The following FHIT variants were observed in gnomAD, a reference collection of about 807,000 sequenced individuals.
FHIT encodes the protein fragile histidine triad diadenosine triphosphatase.
In FHIT, 19 loss-of-function variants were observed where a neutral mutation model predicts 17.9. That is an observed-to-expected ratio of 1.06 (90% CI 0.74 to 1.56). FHIT has a LOEUF of 1.56. Among genes scored for constraint, FHIT ranks in the 40% most tolerant of loss-of-function variants. The pLI, the probability that FHIT is intolerant of heterozygous loss-of-function variation, is 0.00. For synonymous variants in FHIT, 81 were observed against 69.7 expected (o/e 1.16, Z -0.81); for missense variants, 248 against 189.2 (o/e 1.31, Z -1.82).
intron 5 of FHIT, among the ~76,000 whole-genome samples, chr3:60,177,088 G>A (rs1299319230): frequency 6.6e-6 from 1 of 152,210 alleles, no homozygotes; most frequent in African/African-American, 2.4e-5. Context: ...CTGTGCGAAA[G>A]AGCATGCCCA....
At chr3:60,545,246 G>A (rs1165832715) in intron 4 of FHIT, among the ~76,000 whole-genome samples, 1 of 151,968 alleles carries the variant, frequency 6.6e-6, no homozygotes, top group African/African-American at 2.4e-5. Context: ...ATGGTACATG[G>A]AGATGTTTTT....
chr3:61,086,978 T>G (rs1440362140), intron 2 of FHIT, among the ~76,000 whole-genome samples: 1 of 152,144 alleles, frequency 6.6e-6, no homozygotes, highest in Non-Finnish European at 1.5e-5. Context: ...CTACTTTCTG[T>G]TCTTCTAATC....
At chr3:60,496,639 A>G in intron 5 of FHIT, among the ~76,000 whole-genome samples, 1 of 152,200 alleles carries the variant, frequency 6.6e-6, no homozygotes, top group Non-Finnish European at 1.5e-5. Context: ...TGCTAGGTAA[A>G]TATTCTACAG....
intron 5 of FHIT, among the ~76,000 whole-genome samples, chr3:60,118,890 G>A (rs867506998): frequency 2.0e-5 from 3 of 150,392 alleles, no homozygotes; most frequent in East Asian, 2.0e-4. Context: ...GCGTGGTGGC[G>A]GGCACCTGTA....
intron 5 of FHIT, among the ~76,000 whole-genome samples, chr3:60,297,666 G>A (rs930968709): frequency 1.3e-5 from 2 of 152,034 alleles, no homozygotes; most frequent in Non-Finnish European, 2.9e-5. Flanking sequence ...GATCAATAAT[G>A]AAAGTATTAA....
chr3:60,607,495 T>C (rs1210753718), intron 4 of FHIT, among the ~76,000 whole-genome samples: 1 of 151,850 alleles, frequency 6.6e-6, no homozygotes, highest in Non-Finnish European at 1.5e-5. Flanking sequence ...GTTGGGGTAA[T>C]TGGTGGTTAT....
At chr3:60,398,566 A>G (rs967073904) in intron 5 of FHIT, among the ~76,000 whole-genome samples, 3 of 152,152 alleles carry the variant, frequency 2.0e-5, no homozygotes, top group African/African-American at 7.2e-5. Flanking sequence ...CACCCTCCAC[A>G]ATCAGTTATA....
intron 7 of FHIT, among the ~76,000 whole-genome samples, chr3:59,975,325 T>C (rs1375323424): frequency 6.6e-6 from 1 of 152,018 alleles, no homozygotes. Context: ...GCAAGTCTCT[T>C]AAACTCTCTG....
chr3:60,225,077 C>G (rs79089556), intron 5 of FHIT, among the ~76,000 whole-genome samples: 15 of 152,120 alleles, frequency 9.9e-5, no homozygotes, highest in African/African-American at 3.1e-4. Context: ...AGTCTTCCCC[C>G]CAAGCTAGGT....
intron 5 of FHIT, among the ~76,000 whole-genome samples, chr3:60,198,590 G>A (rs1197208740): frequency 6.6e-6 from 1 of 152,072 alleles, no homozygotes; most frequent in Non-Finnish European, 1.5e-5. Context: ...CACATAATAG[G>A]CTCAGCACAT....
chr3:59,877,283 G>C (rs1380167561), intron 8 of FHIT, among the ~76,000 whole-genome samples: 1 of 152,178 alleles, frequency 6.6e-6, no homozygotes, highest in Non-Finnish European at 1.5e-5. Context: ...AACTGGTTCA[G>C]AATTGTAATT....
intron 5 of FHIT, among the ~76,000 whole-genome samples, chr3:60,361,035 T>C (rs1699885820): frequency 6.6e-6 from 1 of 152,172 alleles, no homozygotes; most frequent in African/African-American, 2.4e-5. Flanking sequence ...CTATTTCGAA[T>C]ACTGGTGTAA....
At chr3:60,474,941 T>C (rs2033271192) in intron 5 of FHIT, among the ~76,000 whole-genome samples, 4 of 152,144 alleles carry the variant, frequency 2.6e-5, no homozygotes, top group Admixed American at 2.6e-4. Context: ...ACAATTCCAA[T>C]TTTTAAATAG....
At chr3:60,933,302 C>T (rs757196408) in intron 3 of FHIT, among the ~76,000 whole-genome samples, 6 of 152,114 alleles carry the variant, frequency 3.9e-5, no homozygotes, top group Admixed American at 3.3e-4. Context: ...TCAGTAGTTA[C>T]GTTTTAAAAA....
chr3:59,844,507 C>G (rs569204533), intron 8 of FHIT, among the ~76,000 whole-genome samples: 89 of 151,492 alleles, frequency 5.9e-4, no homozygotes, highest in African/African-American at 1.8e-3. Flanking sequence ...CTGTGTGTGT[C>G]TGTGTGTGTG....
Position 60,013,999 on chromosome 3 carries a change from A to G in FHIT, c.249+8T>C. 2.5e-6 allele frequency: 4 copies of G among 1,613,430 alleles called. No individual in the cohort carries two copies. The highest frequency in any genetic ancestry group is 3.4e-6 in the Non-Finnish European group (4 of 1,179,466). ...GAAAAATCATTTCTGAGAAATCTGT[A>G]CACTCACCTGCATGGAAAAGGTGAG... On this transcript the variant is annotated splice_region_variant and intron_variant, in intron 6 of 9. Transcript: ENST00000492590.
At chr3:60,365,333 T>G (rs1454670870) in intron 5 of FHIT, among the ~76,000 whole-genome samples, 1 of 152,030 alleles carries the variant, frequency 6.6e-6, no homozygotes, top group Non-Finnish European at 1.5e-5. Flanking sequence ...TTTAATCACT[T>G]GATTTACTGA....
intron 5 of FHIT, among the ~76,000 whole-genome samples, chr3:60,348,003 C>T (rs1710883644): frequency 6.6e-6 from 1 of 152,100 alleles, no homozygotes; most frequent in South Asian, 2.1e-4. Context: ...AGTTGATCCA[C>T]CCTCCTTAGC....
intron 1 of FHIT, among the ~76,000 whole-genome samples, chr3:61,228,919 G>A (rs936409080): frequency 6.6e-6 from 1 of 152,292 alleles, no homozygotes; most frequent in Non-Finnish European, 1.5e-5. Context: ...CAAGGCAAAG[G>A]AGATACAGCA....
Sources: allele counts gnomAD v4.1 joint callset (sites outside exome capture counted in the v4.1 genomes callset), GRCh38; gene constraint gnomAD v4.1.1; transcripts MANE v1.5; gene names NCBI Gene and HGNC (gene_info 2026-07-23, HGNC 2026-07-21).